The following TTC29 variants were observed in gnomAD, a reference collection of about 807,000 sequenced individuals.
TTC29 encodes tetratricopeptide repeat protein 29.
Under a neutral mutation model 58.1 loss-of-function variants are expected in TTC29, and 49 were observed. That is an observed-to-expected ratio of 0.84 (90% confidence interval 0.67 to 1.07). TTC29 has a LOEUF of 1.07. Among genes scored for constraint, TTC29 ranks in the 50% least tolerant of loss-of-function variants. TTC29 has a pLI of 0.00. For missense variants in TTC29, 582 were observed against 555.6 expected, an observed-to-expected ratio of 1.05 and a Z score of -0.48; for synonymous variants, 209 against 196.8, an observed-to-expected ratio of 1.06 and a Z score of -0.52.
At chr4:146,905,540 A>G (rs1733466885) in intron 5 of TTC29, among the ~76,000 whole-genome samples, 1 of 151,964 alleles carries the variant, frequency 6.6e-6, no homozygotes, top group South Asian at 2.1e-4. Context: ...AATATTAAAT[A>G]TAAAAGAATA....
At chr4:146,819,640 C>G (rs796737765) in intron 10 of TTC29, among the ~76,000 whole-genome samples, 14 of 152,204 alleles carry the variant, frequency 9.2e-5, no homozygotes, top group African/African-American at 2.9e-4. Context: ...TGTAATGAAT[C>G]TGTTGCTAAA....
chr4:146,716,761 C>A (rs1236658129), intron 11 of TTC29, among the ~76,000 whole-genome samples: 1 of 151,978 alleles, frequency 6.6e-6, no homozygotes, highest in Non-Finnish European at 1.5e-5. Flanking sequence ...TCTGAAAAAC[C>A]CAAACAATTC....
At chr4:146,874,636 G>T in intron 7 of TTC29, 80 bp downstream of exon 7, 1 of 1,150,152 alleles carries the variant, frequency 8.7e-7, no homozygotes, top group Non-Finnish European at 1.3e-6. Flanking sequence ...CCTAACACTT[G>T]ACGATTTTTA....
At chr4:146,906,951 G>A (rs62328050) in intron 5 of TTC29, among the ~76,000 whole-genome samples, 43,840 of 151,928 alleles carry the variant, frequency 0.29, 6,810 homozygotes, top group South Asian at 0.41. Flanking sequence ...GTGAAACCCC[G>A]TCTCTACTAA....
chr4:146,903,107 T>C (rs1733264964), intron 6 of TTC29, among the ~76,000 whole-genome samples: 1 of 152,210 alleles, frequency 6.6e-6, no homozygotes, highest in African/African-American at 2.4e-5. Flanking sequence ...TATGAAGTTA[T>C]TTTTAAATGA....
At chr4:146,852,484 A>G (rs544049990) in intron 8 of TTC29, among the ~76,000 whole-genome samples, 1 of 152,190 alleles carries the variant, frequency 6.6e-6, no homozygotes, top group South Asian at 2.1e-4. Flanking sequence ...TTCTTTTCAA[A>G]CAGCTTCTGC....
At position 146,777,388 on chromosome 4, in the gene TTC29, C is replaced by CT. The variant is rs1189454680; in HGVS notation, c.1330+26068dup. Among the ~76,000 whole-genome samples the CT allele has an allele frequency of 1.0e-3, 152 of 145,890 alleles. 2 individuals carry two copies. The highest frequency in any genetic ancestry group is 2.7e-3 in the African/African-American group (109 of 39,940). On this transcript the variant is annotated intron_variant, in intron 11 of 12. Coordinates refer to ENST00000325106, the MANE Select transcript of TTC29 (RefSeq NM_031956.4). ...ACTGGTTTTTTATATATTACGTTGA[C>CT]TTTTTTTTTTTAAGCTAGGAGAGAG... is the stretch of plus-strand genomic sequence containing the variant.
chr4:146,778,976 C>CAAAAAAAAAAAAAAAAAAAAAAAAAA lies in TTC29; in HGVS notation c.1330+24455_1330+24480dup, dbSNP rs369374851. On this transcript the variant is annotated intron_variant, in intron 11 of 12. Coordinates refer to ENST00000325106, the MANE Select transcript of TTC29 (RefSeq NM_031956.4). Reference sequence around the variant, plus strand: ...AACTGCACTTGTACTCCTAAATAAGCAAAAAAAAAAAAAAAAAAAAAAAAA... The same window carrying CAAAAAAAAAAAAAAAAAAAAAAAAAA: ...AACTGCACTTGTACTCCTAAATAAGCAAAAAAAAAAAAAAAAAAAAAAAAAAAAAAAAAAAAAAAAAAAAAAAAAAA... 1.4e-3 allele frequency among the ~76,000 whole-genome samples: 41 copies of CAAAAAAAAAAAAAAAAAAAAAAAAAA among 28,540 alleles called. 1 individual carries two copies. Among genetic ancestry groups the CAAAAAAAAAAAAAAAAAAAAAAAAAA allele is most frequent in the South Asian group, 4.0e-3 (2 of 494 alleles). 18.7% of individuals were successfully genotyped at this position (28,540 alleles called of 152,430 possible).
chr4:146,904,315 T>G (rs546851693), intron 5 of TTC29, among the ~76,000 whole-genome samples: 1 of 152,276 alleles, frequency 6.6e-6, no homozygotes, highest in African/African-American at 2.4e-5. Context: ...TTTCTAGCAA[T>G]GTTAAGAAAG....
chr4:146,759,915 A>G (rs1453701119), intron 11 of TTC29, among the ~76,000 whole-genome samples: 1 of 152,112 alleles, frequency 6.6e-6, no homozygotes, highest in Non-Finnish European at 1.5e-5. Context: ...TCTTCCACAT[A>G]GTACTGGAAG....
At chr4:146,806,687 AC>A (rs1750644850) in intron 10 of TTC29, among the ~76,000 whole-genome samples, 1 of 152,232 alleles carries the variant, frequency 6.6e-6, no homozygotes, top group African/African-American at 2.4e-5. Flanking sequence ...AGAAGAGCTA[AC>A]TAGCCTAAAT....
Position 146,933,318 on chromosome 4 carries a change from C to A in TTC29, c.176+4276G>T, listed in dbSNP as rs1344005963. Among the ~76,000 whole-genome samples the A allele has an allele frequency of 2.0e-5, 3 of 152,216 alleles. No homozygotes were observed. In the East Asian group the frequency reaches 5.8e-4, roughly 29 times the overall value. ...CAGAAAATAATATTGAGCAGATTAACACACTCTGTCCCCAGATGATTTTGT... is the reference window on the plus strand; with the variant it reads ...CAGAAAATAATATTGAGCAGATTAAAACACTCTGTCCCCAGATGATTTTGT... On this transcript the variant is annotated intron_variant, in intron 4 of 12. Coordinates refer to ENST00000325106, the MANE Select transcript of TTC29 (RefSeq NM_031956.4).
At chr4:146,883,866 A>G (rs1422719397) in intron 6 of TTC29, among the ~76,000 whole-genome samples, 1 of 152,126 alleles carries the variant, frequency 6.6e-6, no homozygotes, top group African/African-American at 2.4e-5. Context: ...GAGAAGGGGA[A>G]GAAAATGAAT....
intron 8 of TTC29, among the ~76,000 whole-genome samples, chr4:146,838,652 G>A (rs1366087468): frequency 6.6e-6 from 1 of 151,908 alleles, no homozygotes; most frequent in African/African-American, 2.4e-5. Context: ...GTTGACTCTT[G>A]AACAACACAG....
chr4:146,940,034 T>C, intron 2 of TTC29, 133 bp from the exon 3 acceptor site: 1 of 796,310 alleles, frequency 1.3e-6, no homozygotes. Flanking sequence ...AGCTGTGTTA[T>C]TCGGGAATCA....
chr4:146,726,925 G>A (rs1028103146), intron 11 of TTC29, among the ~76,000 whole-genome samples: 2 of 151,804 alleles, frequency 1.3e-5, no homozygotes, highest in Non-Finnish European at 1.5e-5. Flanking sequence ...CTTGCACGTG[G>A]TACATTTTTA....
chr4:146,770,390 C>T (rs1376711344), intron 11 of TTC29, among the ~76,000 whole-genome samples: 1 of 151,826 alleles, frequency 6.6e-6, no homozygotes, highest in African/African-American at 2.4e-5. Flanking sequence ...TCCTCCTTCA[C>T]ATCAGTTTTC....
Position 146,776,321 on chromosome 4 carries a change from G to A in TTC29, c.1330+27136C>T, listed in dbSNP as rs147646700. Among the ~76,000 whole-genome samples the A allele has an allele frequency of 6.8e-3, 1,036 of 152,186 alleles. 14 individuals carry two copies. Among genetic ancestry groups the A allele is most frequent in the African/African-American group, 0.023 (964 of 41,520 alleles). Reference sequence around the variant, plus strand: ...ACCTTTTCAGCCTGGAACCATTGCTGGGGAACTAGTGGTAAGAAGACACTC... The same window carrying A: ...ACCTTTTCAGCCTGGAACCATTGCTAGGGAACTAGTGGTAAGAAGACACTC... On this transcript the variant is annotated intron_variant, in intron 11 of 12. Transcript: ENST00000325106.
At chr4:146,750,041 C>A (rs9993342) in intron 11 of TTC29, among the ~76,000 whole-genome samples, 49,785 of 151,944 alleles carry the variant, frequency 0.33, 8,519 homozygotes, top group Admixed American at 0.45. Context: ...GAGTCTCACT[C>A]TGTCGCCCTA....
Sources: gnomAD v4.1 joint callset for allele counts (sites outside exome capture counted in the v4.1 genomes callset) on GRCh38, gnomAD v4.1.1 for gene constraint, MANE v1.5 for transcripts, NCBI Gene and HGNC (gene_info 2026-07-23, HGNC 2026-07-21) for gene names.